Variants in CTNNA3 observed in about 807,000 individuals in gnomAD.
The protein encoded by CTNNA3 is catenin alpha 3, also known as catenin alpha-3.
In CTNNA3, 76 loss-of-function variants were observed where a neutral mutation model predicts 95.7. That is an observed-to-expected ratio of 0.79 (90% confidence interval 0.66 to 0.96). The LOEUF is 0.96. CTNNA3 is among the 40% of genes least tolerant of loss of function. The pLI is 0.00. For synonymous variants in CTNNA3, 431 were observed against 374.4 expected, an observed-to-expected ratio of 1.15 and a Z score of -1.74; for missense variants, 1,191 against 1,089.8, an observed-to-expected ratio of 1.09 and a Z score of -1.31.
chr10:66,889,110 G>T (rs1446037324), intron 7 of CTNNA3, among the ~76,000 whole-genome samples: 2 of 151,886 alleles, frequency 1.3e-5, no homozygotes, highest in East Asian at 1.9e-4. Flanking sequence ...GTGAAAGAAG[G>T]CAACCTGAAA....
At chr10:66,269,832 C>A (rs537468041) in intron 13 of CTNNA3, among the ~76,000 whole-genome samples, 1 of 152,268 alleles carries the variant, frequency 6.6e-6, no homozygotes, top group African/African-American at 2.4e-5. Flanking sequence ...AAAGAGTAAT[C>A]TTGTCACCTG....
intron 1 of CTNNA3, among the ~76,000 whole-genome samples, chr10:67,726,514 T>TTA (rs1257389148): frequency 0.087 from 5,723 of 65,770 alleles, 309 homozygotes; most frequent in African/African-American, 0.16. Context: ...ATATTATATA[T>TTA]TATATTATAT....
chr10:67,248,171 G>A (rs10823015), intron 5 of CTNNA3, among the ~76,000 whole-genome samples: 47,992 of 151,514 alleles, frequency 0.32, 13,506 homozygotes, highest in African/African-American at 0.76. Flanking sequence ...AAAATACAAA[G>A]ATTAGCTGGG....
intron 10 of CTNNA3, among the ~76,000 whole-genome samples, chr10:66,576,375 TAC>T (rs530259062): frequency 2.4e-4 from 36 of 152,194 alleles, no homozygotes; most frequent in Non-Finnish European, 3.8e-4. Context: ...ACAGGCTTGT[TAC>T]ATGGGCAAAT....
At chr10:67,065,676 G>A in intron 7 of CTNNA3, among the ~76,000 whole-genome samples, 1 of 151,972 alleles carries the variant, frequency 6.6e-6, no homozygotes, top group East Asian at 1.9e-4. Flanking sequence ...CTTTCCCCAA[G>A]CATGAGCCAC....
At chr10:66,972,647 C>A (rs1241866775) in intron 7 of CTNNA3, among the ~76,000 whole-genome samples, 10 of 150,244 alleles carry the variant, frequency 6.7e-5, no homozygotes, top group African/African-American at 2.5e-4. Flanking sequence ...CATAAGCAAA[C>A]CCATAATATT....
chr10:66,402,245 T>C (rs2093026886), intron 11 of CTNNA3, among the ~76,000 whole-genome samples: 2 of 152,190 alleles, frequency 1.3e-5, no homozygotes, highest in African/African-American at 2.4e-5. Flanking sequence ...ATTAGTTGCA[T>C]TTTTTATTAT....
At chr10:67,726,460 TATATGATATAATA>T (rs1841222586) in intron 1 of CTNNA3, among the ~76,000 whole-genome samples, 1 of 38,358 alleles carries the variant, frequency 2.6e-5, no homozygotes, top group Non-Finnish European at 4.4e-5. Flanking sequence ...TTATATATGA[TATATGATATAATA>T]TTATATATTA....
rs1008899348 is a variant in CTNNA3, at chr10:65,915,309, A to C, written c.*5021T>G. ...ATCCTTTTGCCTTCGACACGACTTC[A>C]CCAAACCACCAAGACAAGTGTCTCA... On this transcript the variant is annotated 3_prime_UTR_variant, in exon 18 of 18. Transcript: ENST00000433211. 6.6e-6 allele frequency: 1 copy of C among 151,984 alleles called. No individual in the cohort carries two copies. Among genetic ancestry groups the C allele is most frequent in the African/African-American group, 2.4e-5 (1 of 41,394 alleles). 9.4% of individuals were successfully genotyped at this position (151,984 alleles called of 1,614,324 possible). A position where few individuals can be genotyped will look rare whatever the true frequency, so the allele number is the denominator to read the frequency against.
chr10:66,916,123 TAGAG>T (rs1278035418), intron 7 of CTNNA3, among the ~76,000 whole-genome samples: 3 of 151,724 alleles, frequency 2.0e-5, no homozygotes, highest in African/African-American at 7.3e-5. Flanking sequence ...GTAAAAGAGG[TAGAG>T]AGAGAAAGAA....
At chr10:67,507,672 T>C (rs1839471690) in intron 5 of CTNNA3, among the ~76,000 whole-genome samples, 1 of 152,064 alleles carries the variant, frequency 6.6e-6, no homozygotes, top group Non-Finnish European at 1.5e-5. Flanking sequence ...ATACCAATTC[T>C]CAAACTCCTC....
At chr10:67,692,736 T>TAA (rs200961420) in intron 1 of CTNNA3, among the ~76,000 whole-genome samples, 2,790 of 80,764 alleles carry the variant, frequency 0.035, 194 homozygotes, top group African/African-American at 0.11. Flanking sequence ...GAATGATCAA[T>TAA]AAAAAAAAAA....
chr10:67,362,796 G>A (rs1282226662), intron 5 of CTNNA3, among the ~76,000 whole-genome samples: 10 of 145,878 alleles, frequency 6.9e-5, no homozygotes, highest in African/African-American at 1.8e-4. Context: ...CATTCAAATA[G>A]AAAAAAAAAA....
At chr10:66,023,518 G>C (rs1182306594) in intron 15 of CTNNA3, among the ~76,000 whole-genome samples, 1 of 152,068 alleles carries the variant, frequency 6.6e-6, no homozygotes, top group Admixed American at 6.5e-5. Flanking sequence ...TGAAAAATAT[G>C]GAGGTGAAAT....
intron 9 of CTNNA3, among the ~76,000 whole-genome samples, chr10:66,675,368 T>C (rs1287521117): frequency 6.6e-6 from 1 of 151,942 alleles, no homozygotes; most frequent in Non-Finnish European, 1.5e-5. Context: ...GGGGTTAAGA[T>C]ATGAAGGGAA....
chr10:67,198,280 T>A (rs1863470397), intron 6 of CTNNA3, among the ~76,000 whole-genome samples: 1 of 152,150 alleles, frequency 6.6e-6, no homozygotes, highest in Non-Finnish European at 1.5e-5. Context: ...AAAAGCACTA[T>A]TTCCCTAAGC....
chr10:67,332,295 T>C (rs1315907697), intron 5 of CTNNA3, among the ~76,000 whole-genome samples: 2 of 152,214 alleles, frequency 1.3e-5, no homozygotes, highest in African/African-American at 2.4e-5. Flanking sequence ...CCTATTCTTT[T>C]TAGTGTTGAA....
At chr10:66,417,642 C>T (rs1451795701) in intron 11 of CTNNA3, among the ~76,000 whole-genome samples, 1 of 151,896 alleles carries the variant, frequency 6.6e-6, no homozygotes, top group Non-Finnish European at 1.5e-5. Context: ...AAAGAAGTCT[C>T]AACAAATTTT....
chr10:66,719,325 GTGTT>G lies in CTNNA3; in HGVS notation c.1281+46935_1281+46938del, dbSNP rs537814778. 3.0e-3 allele frequency among the ~76,000 whole-genome samples: 462 copies of G among 152,178 alleles called. 2 individuals are homozygous for G. Among genetic ancestry groups the G allele is most frequent in the African/African-American group, 0.01 (433 of 41,520 alleles). ...ATACAGAGTATCTGATTTATATTAAGTGTTTATTTGTCTGTCTGTGCCATTATGA... is the reference window on the plus strand; with the variant it reads ...ATACAGAGTATCTGATTTATATTAAGTATTTGTCTGTCTGTGCCATTATGA... On this transcript the variant is annotated intron_variant, in intron 9 of 17. Transcript: ENST00000433211.
Sources: gnomAD v4.1 joint callset for allele counts (sites outside exome capture counted in the v4.1 genomes callset) on GRCh38, gnomAD v4.1.1 for gene constraint, MANE v1.5 for transcripts, NCBI Gene and HGNC (gene_info 2026-07-23, HGNC 2026-07-21) for gene names.